Variants in DPP8 observed in about 807,000 individuals in gnomAD.
DPP8 encodes DPP VIII.
A neutral mutation model predicts 107.5 loss-of-function variants in DPP8; 31 were observed. The observed-to-expected ratio is 0.29, with a 90% CI of 0.22 to 0.39. DPP8 has a LOEUF of 0.39. DPP8 is among the 10% of genes least tolerant of loss of function. The pLI is 1.00. For synonymous variants in DPP8, 381 were observed against 356.6 expected, an observed-to-expected ratio of 1.07 and a Z score of -0.77; for missense variants, 842 against 1,076.1, an observed-to-expected ratio of 0.78 and a Z score of 3.04.
chr15:65,507,483 T>C (rs538595161), intron 2 of DPP8, 128 bp from the exon 3 acceptor site: 64 of 549,418 alleles, frequency 1.2e-4, no homozygotes, highest in Non-Finnish European at 1.8e-4. Flanking sequence ...ATAATGAATG[T>C]TAACAAGTAG....
At chr15:65,502,043 C>T (rs1158553121) in intron 3 of DPP8, among the ~76,000 whole-genome samples, 1 of 152,136 alleles carries the variant, frequency 6.6e-6, no homozygotes, top group Non-Finnish European at 1.5e-5. Flanking sequence ...ACTTGTGCCA[C>T]CACGCCCAGC....
At chr15:65,511,654 A>C (rs1472259364) in intron 2 of DPP8, among the ~76,000 whole-genome samples, 2 of 150,644 alleles carry the variant, frequency 1.3e-5, no homozygotes, top group East Asian at 1.9e-4. Flanking sequence ...AAAAAAAAAA[A>C]AAAACTATAA....
In DPP8 at chr15:65,466,870, C is replaced by T. The variant is rs1038433139; in HGVS notation, c.1690-57G>A. ...TCAGGAAGGTAGAAAAGGTTATCTGCTGTTACATCTGCACTAATGATATAG... is the reference window on the plus strand; with the variant it reads ...TCAGGAAGGTAGAAAAGGTTATCTGTTGTTACATCTGCACTAATGATATAG... On this transcript the variant is annotated intron_variant, in intron 13 of 19. Transcript: ENST00000300141. 39 of 1,534,098 alleles carry T rather than the reference C, an allele frequency of 2.5e-5. No homozygotes were observed. The Admixed American group carries it at 2.9e-4, about 11-fold the overall frequency.
In DPP8 at chr15:65,500,712, G is replaced by A. The variant is rs1056175913; in HGVS notation, c.440C>T (p.Thr147Ile). Residue 147 changes from threonine (T) to isoleucine (I), a missense_variant, in exon 4 of 20, where the codon ACA (threonine) becomes ATA (isoleucine). Coordinates refer to ENST00000300141, the MANE Select transcript of DPP8 (RefSeq NM_130434.5). Reference sequence around the variant, plus strand: ...ATAATCGTAAGAAGCAATTCCGACTGTTCCAATGCGTTTTCTTTCTCTTAA... The same window carrying A: ...ATAATCGTAAGAAGCAATTCCGACTATTCCAATGCGTTTTCTTTCTCTTAA... ...ELLRERKRIG[T>I]VGIASYDYHQ... The A allele has an allele frequency of 1.2e-6, 2 of 1,613,728 alleles. No individual in the cohort carries two copies. Among genetic ancestry groups the A allele is most frequent in the East Asian group, 2.2e-5 (1 of 44,862 alleles).
intron 5 of DPP8, among the ~76,000 whole-genome samples, chr15:65,496,950 C>T (rs886706350): frequency 7.2e-5 from 11 of 152,176 alleles, no homozygotes; most frequent in Admixed American, 2.0e-4. Context: ...AGTGCAGTGG[C>T]GCAGTCTCAG....
intron 15 of DPP8, among the ~76,000 whole-genome samples, chr15:65,460,510 C>T (rs1185369983): frequency 6.6e-6 from 1 of 152,092 alleles, no homozygotes; most frequent in Non-Finnish European, 1.5e-5. Context: ...TCCCTGACAA[C>T]TTCTATTCTA....
chr15:65,501,370 G>T (rs929936301), intron 3 of DPP8, among the ~76,000 whole-genome samples: 2 of 152,160 alleles, frequency 1.3e-5, no homozygotes, highest in African/African-American at 4.8e-5. Context: ...TAGCATTCAA[G>T]ACTTTCTACA....
At chr15:65,459,065 C>T (rs1393560211) in intron 15 of DPP8, 1 of 147,436 alleles carries the variant, frequency 6.8e-6, no homozygotes, top group East Asian at 2.0e-4. Context: ...CGGGGGGGGT[C>T]TTGCTGTGTT....
chr15:65,507,529 T>A (rs2070206108), intron 2 of DPP8, among the ~76,000 whole-genome samples, 174 bp from the exon 3 acceptor site: 1 of 151,604 alleles, frequency 6.6e-6, no homozygotes, highest in Admixed American at 6.6e-5. Context: ...AAATTTTCAA[T>A]AAAACCAAGG....
intron 11 of DPP8, among the ~76,000 whole-genome samples, chr15:65,478,005 C>T (rs1348561781): frequency 1.3e-5 from 2 of 152,078 alleles, no homozygotes; most frequent in Non-Finnish European, 2.9e-5. Context: ...TCTATGTACC[C>T]ATTTACTTTT....
At chr15:65,512,218 T>G in intron 2 of DPP8, 77 bp downstream of exon 2, 3 of 1,386,222 alleles carry the variant, frequency 2.2e-6, no homozygotes, top group Non-Finnish European at 3.0e-6. Flanking sequence ...ATCAAACTTT[T>G]GAGTGTCAAT....
intron 10 of DPP8, among the ~76,000 whole-genome samples, chr15:65,479,306 T>A (rs1205612801): frequency 2.0e-5 from 3 of 152,162 alleles, no homozygotes; most frequent in Non-Finnish European, 2.9e-5. Flanking sequence ...TTACTCAACA[T>A]CTCTATAATC....
At chr15:65,498,424 G>GAA (rs546038034) in intron 4 of DPP8, among the ~76,000 whole-genome samples, 1 of 137,194 alleles carries the variant, frequency 7.3e-6, no homozygotes. Flanking sequence ...TCAGTATCAG[G>GAA]AAAAAAAAAA....
chr15:65,507,160 C>T (rs1026877397), intron 3 of DPP8, 83 bp downstream of exon 3: 16 of 713,784 alleles, frequency 2.2e-5, no homozygotes, highest in Admixed American at 1.5e-4. Flanking sequence ...ACATCTACTT[C>T]AAATATAAAA....
chr15:65,517,020 C>T (rs1178172373), intron 1 of DPP8: 1 of 152,852 alleles, frequency 6.5e-6, no homozygotes, highest in Non-Finnish European at 1.5e-5. Context: ...GGGAATCGAC[C>T]TAGCATGAGG....
intron 19 of DPP8, among the ~76,000 whole-genome samples, chr15:65,448,373 T>C (rs893904049): frequency 2.6e-5 from 4 of 151,830 alleles, no homozygotes; most frequent in Non-Finnish European, 5.9e-5. Flanking sequence ...TCTCTATTTA[T>C]TTTTAAAAAT....
At chr15:65,501,645 AC>A (rs2069248075) in intron 3 of DPP8, among the ~76,000 whole-genome samples, 1 of 152,158 alleles carries the variant, frequency 6.6e-6, no homozygotes, top group Admixed American at 6.5e-5. Flanking sequence ...TGTTATTAAA[AC>A]CTTTCCACTA....
chr15:65,512,132 G>T, intron 2 of DPP8, 163 bp downstream of exon 2: 1 of 757,870 alleles, frequency 1.3e-6, no homozygotes, highest in Non-Finnish European at 2.3e-6. Context: ...TAAAGTTAAT[G>T]CGATACAACA....
chr15:65,461,492 T>C (rs1177158876), intron 15 of DPP8, among the ~76,000 whole-genome samples: 2 of 152,194 alleles, frequency 1.3e-5, no homozygotes, highest in Non-Finnish European at 2.9e-5. Context: ...ACTGTATCAT[T>C]TCTTCACTGG....
Sources: allele counts gnomAD v4.1 joint callset (sites outside exome capture counted in the v4.1 genomes callset), GRCh38; gene constraint gnomAD v4.1.1; transcripts MANE v1.5; gene names NCBI Gene and HGNC (gene_info 2026-07-23, HGNC 2026-07-21).